The following BTBD9 variants were observed in gnomAD, a reference collection of about 807,000 sequenced individuals.
The protein encoded by BTBD9 is BTB domain containing 9.
Under a neutral mutation model 64.3 loss-of-function variants are expected in BTBD9, and 49 were observed. That is an observed-to-expected ratio of 0.76 (90% CI 0.61 to 0.97). BTBD9 has a LOEUF of 0.97. Among genes scored for constraint, BTBD9 ranks in the 50% least tolerant of loss-of-function variants. The probability of loss-of-function intolerance (pLI) is 0.00; values close to 1 mark genes in which losing one functional copy is unlikely to be tolerated. For missense variants in BTBD9, 598 were observed against 762.1 expected (o/e 0.78, Z 2.53); for synonymous variants, 260 against 274.7 (o/e 0.95, Z 0.53).
chr6:38,556,994 C>G (rs2127453252), intron 6 of BTBD9, among the ~76,000 whole-genome samples: 1 of 104,938 alleles, frequency 9.5e-6, no homozygotes, highest in Admixed American at 1.5e-4. Flanking sequence ...GCTTGGGGAA[C>G]AGAGCGAGAC....
chr6:38,428,701 ATTTTTCGT>A (rs1768293326), intron 6 of BTBD9, among the ~76,000 whole-genome samples: 1 of 147,452 alleles, frequency 6.8e-6, no homozygotes, highest in African/African-American at 2.5e-5. Context: ...CATTGGAATG[ATTTTTCGT>A]TTTTTCTTTT....
intron 6 of BTBD9, among the ~76,000 whole-genome samples, chr6:38,358,795 C>T (rs948595531): frequency 2.0e-5 from 3 of 148,354 alleles, no homozygotes; most frequent in African/African-American, 7.5e-5. Context: ...GACGGAGTCT[C>T]GCTCTGTCGC....
In BTBD9 at chr6:38,288,276, T is replaced by C; in HGVS notation, c.1450A>G (p.Ile484Val). The C allele has an allele frequency of 1.9e-6, 3 of 1,613,450 alleles. No individual in the cohort carries two copies. The highest frequency in any genetic ancestry group is 1.1e-5 in the South Asian group (1 of 91,034). The change falls in exon 8 of 11, where the codon ATA (isoleucine) becomes GTA (valine). Residue 484 changes from isoleucine to valine, a missense_variant. Coordinates refer to ENST00000481247, the MANE Select transcript of BTBD9 (RefSeq NM_001099272.2). Reference sequence around the variant, plus strand: ...AATGAGGAGGAATCTTCTTACCGTATTGACCCAATCATGTACGGTTGTGCC... The same window carrying C: ...AATGAGGAGGAATCTTCTTACCGTACTGACCCAATCATGTACGGTTGTGCC... Reference protein sequence around the residue: ...QLAQPYMIGSIRLLLWDCDDR... With the variant: ...QLAQPYMIGSVRLLLWDCDDR...
chr6:38,422,379 TCTTTATA>T (rs1323247552), intron 6 of BTBD9, among the ~76,000 whole-genome samples: 1 of 152,208 alleles, frequency 6.6e-6, no homozygotes, highest in Non-Finnish European at 1.5e-5. Context: ...CTACTTTTAA[TCTTTATA>T]CTTTATACAT....
intron 9 of BTBD9, among the ~76,000 whole-genome samples, chr6:38,255,999 C>T (rs980266635): frequency 6.6e-6 from 1 of 151,270 alleles, no homozygotes; most frequent in Admixed American, 6.6e-5. Context: ...AGCAAACCAA[C>T]ATGGCACATG....
At chr6:38,494,962 C>A (rs901591166) in intron 6 of BTBD9, among the ~76,000 whole-genome samples, 1 of 152,114 alleles carries the variant, frequency 6.6e-6, no homozygotes, top group Non-Finnish European at 1.5e-5. Flanking sequence ...AGCATTGCCC[C>A]GGATCCTATA....
At chr6:38,543,685 C>T (rs1774393198) in intron 6 of BTBD9, among the ~76,000 whole-genome samples, 1 of 152,078 alleles carries the variant, frequency 6.6e-6, no homozygotes. Flanking sequence ...CCGCCGGGCG[C>T]GGTGGCTCAC....
Position 38,624,998 on chromosome 6 carries a change from G to C in BTBD9, c.-28+14802C>G, listed in dbSNP as rs542393590. 1.4e-4 allele frequency among the ~76,000 whole-genome samples: 21 copies of C among 152,198 alleles called. 1 individual carries two copies. The South Asian group carries it at 4.4e-3, about 32-fold the overall frequency. On this transcript the variant is annotated intron_variant, in intron 1 of 10. Coordinates refer to ENST00000481247, the MANE Select transcript of BTBD9 (RefSeq NM_001099272.2). Reference sequence around the variant, plus strand: ...TTTATTCTAACCTTTTTCCAAAATGGACTTAGGTTTGAAAGCTTCATAATT... The same window carrying C: ...TTTATTCTAACCTTTTTCCAAAATGCACTTAGGTTTGAAAGCTTCATAATT...
At chr6:38,411,440 A>G (rs1429973847) in intron 6 of BTBD9, among the ~76,000 whole-genome samples, 1 of 152,212 alleles carries the variant, frequency 6.6e-6, no homozygotes, top group Non-Finnish European at 1.5e-5. Context: ...GCAACAACGC[A>G]AATCAGGGAT....
At chr6:38,323,689 T>C (rs73422848) in intron 7 of BTBD9, among the ~76,000 whole-genome samples, 7,481 of 152,278 alleles carry the variant, frequency 0.049, 350 homozygotes, top group African/African-American at 0.13. Flanking sequence ...CCTCCTAGTA[T>C]TGCTGAGGTC....
At chr6:38,445,116 G>A (rs1417184602) in intron 6 of BTBD9, among the ~76,000 whole-genome samples, 1 of 152,176 alleles carries the variant, frequency 6.6e-6, no homozygotes, top group Non-Finnish European at 1.5e-5. Flanking sequence ...CATGTATTGA[G>A]TCTCTGTCAG....
intron 7 of BTBD9, among the ~76,000 whole-genome samples, chr6:38,297,766 C>T (rs757137786): frequency 1.3e-5 from 2 of 151,708 alleles, no homozygotes; most frequent in East Asian, 1.9e-4. Flanking sequence ...TTTATTTGAA[C>T]TCGCTTTTAT....
intron 9 of BTBD9, among the ~76,000 whole-genome samples, chr6:38,235,829 C>T (rs1238475691): frequency 2.0e-5 from 3 of 152,188 alleles, no homozygotes; most frequent in Non-Finnish European, 4.4e-5. Context: ...CTCTCTGGCA[C>T]TCTGTGAAGC....
In BTBD9 at chr6:38,368,250, T is replaced by A. The variant is rs79345367; in HGVS notation, c.1155-23157A>T. 1.3e-3 allele frequency among the ~76,000 whole-genome samples: 201 copies of A among 152,278 alleles called. 2 individuals carry two copies. The Middle Eastern group carries it at 0.014, about 10-fold the overall frequency. Reference sequence around the variant, plus strand: ...CTTTATACATAAAAAAGAGGGAGACTTTTTTCCCCCAAAACCAATTTCCAT... The same window carrying A: ...CTTTATACATAAAAAAGAGGGAGACATTTTTCCCCCAAAACCAATTTCCAT... On this transcript the variant is annotated intron_variant, in intron 6 of 10. Coordinates refer to ENST00000481247, the MANE Select transcript of BTBD9 (RefSeq NM_001099272.2).
Position 38,343,826 on chromosome 6 carries a change from T to C in BTBD9, c.1264+1158A>G, listed in dbSNP as rs58264524. On this transcript the variant is annotated intron_variant, in intron 7 of 10. Coordinates refer to ENST00000481247, the MANE Select transcript of BTBD9 (RefSeq NM_001099272.2). ...TCCTGCTACTTTATTAATATTATTC[T>C]CCCAAATCTCTATAAGTAAAGGATT... Among the ~76,000 whole-genome samples, 683 of 152,310 alleles carry C rather than the reference T, an allele frequency of 4.5e-3. 3 individuals carry two copies. Among genetic ancestry groups the C allele is most frequent in the African/African-American group, 0.016 (655 of 41,572 alleles).
At chr6:38,181,047 C>A (rs1238380807) in intron 10 of BTBD9, among the ~76,000 whole-genome samples, 2 of 152,182 alleles carry the variant, frequency 1.3e-5, no homozygotes, top group African/African-American at 4.8e-5. Context: ...TCTTGGTGAC[C>A]AGGCTAATTC....
chr6:38,636,057 A>T (rs1248855094), intron 1 of BTBD9, among the ~76,000 whole-genome samples: 1 of 152,194 alleles, frequency 6.6e-6, no homozygotes, highest in Non-Finnish European at 1.5e-5. Context: ...TATATTAAGC[A>T]TCTATAAGAC....
At chr6:38,421,884 G>C (rs1767918793) in intron 6 of BTBD9, among the ~76,000 whole-genome samples, 2 of 152,104 alleles carry the variant, frequency 1.3e-5, no homozygotes, top group African/African-American at 4.8e-5. Flanking sequence ...AGAAAACTTG[G>C]CAAAAAATAT....
chr6:38,251,467 G>A (rs563907726), intron 9 of BTBD9, among the ~76,000 whole-genome samples: 1 of 152,136 alleles, frequency 6.6e-6, no homozygotes, highest in South Asian at 2.1e-4. Context: ...GCTTCATCAT[G>A]TTAGCCAGGT....
Sources: gnomAD v4.1 joint callset for allele counts (sites outside exome capture counted in the v4.1 genomes callset) on GRCh38, gnomAD v4.1.1 for gene constraint, MANE v1.5 for transcripts, NCBI Gene and HGNC (gene_info 2026-07-23, HGNC 2026-07-21) for gene names.